The following DLG2 variants were observed in gnomAD, a reference collection of about 807,000 sequenced individuals.
The protein encoded by DLG2 is discs large MAGUK scaffold protein 2.
DLG2 carries 45 observed loss-of-function variants against 132.5 expected under a neutral mutation model. The ratio of observed to expected loss-of-function variants is 0.34; its 90% CI spans 0.27 to 0.44. The LOEUF (loss-of-function observed/expected upper bound fraction) is 0.44. Among genes scored for constraint, DLG2 ranks in the 20% least tolerant of loss-of-function variants. DLG2 has a pLI of 1.00. For synonymous variants in DLG2, 424 were observed against 419.6 expected (o/e 1.01, Z -0.13); for missense variants, 1,045 against 1,196.9 (o/e 0.87, Z 1.87).
intron 3 of DLG2, among the ~76,000 whole-genome samples, chr11:85,513,450 A>G (rs184057): frequency 0.88 from 133,022 of 152,010 alleles, 58,466 homozygotes; most frequent in Non-Finnish European, 0.91. Flanking sequence ...AGACAAATTG[A>G]GATGTCAATA....
chr11:85,247,855 T>A (rs927754461), intron 4 of DLG2, among the ~76,000 whole-genome samples: 4 of 152,102 alleles, frequency 2.6e-5, no homozygotes, highest in African/African-American at 9.7e-5. Flanking sequence ...TGTTGATCCT[T>A]CTATTTCAAT....
chr11:84,241,598 G>C (rs1401116096), intron 8 of DLG2, among the ~76,000 whole-genome samples: 5 of 150,324 alleles, frequency 3.3e-5, no homozygotes, highest in African/African-American at 9.8e-5. Flanking sequence ...GATTCAAAAA[G>C]AAGAAAAAAA....
chr11:84,790,446 TA>T (rs1213913335), intron 6 of DLG2, among the ~76,000 whole-genome samples: 1 of 152,232 alleles, frequency 6.6e-6, no homozygotes, highest in East Asian at 1.9e-4. Context: ...GAATGTTTTC[TA>T]TAGAGTTGTT....
At chr11:84,577,748 A>T (rs1481680239) in intron 6 of DLG2, among the ~76,000 whole-genome samples, 1 of 152,190 alleles carries the variant, frequency 6.6e-6, no homozygotes, top group African/African-American at 2.4e-5. Context: ...TTGAGGAAAA[A>T]TTCAAGCTGG....
chr11:84,172,062 T>C (rs993903253), intron 8 of DLG2, among the ~76,000 whole-genome samples: 1 of 152,332 alleles, frequency 6.6e-6, no homozygotes, highest in East Asian at 1.9e-4. Flanking sequence ...TTACAAGCTG[T>C]TAGAATTCAT....
At chr11:83,715,468 A>T (rs1181172638) in intron 18 of DLG2, among the ~76,000 whole-genome samples, 3 of 152,170 alleles carry the variant, frequency 2.0e-5, no homozygotes, top group African/African-American at 4.8e-5. Context: ...CACACTAAAG[A>T]GGCAAGAGAG....
At chr11:84,823,359 G>T (rs1474606009) in intron 6 of DLG2, among the ~76,000 whole-genome samples, 1 of 151,634 alleles carries the variant, frequency 6.6e-6, no homozygotes, top group East Asian at 1.9e-4. Flanking sequence ...CTCTTACTGT[G>T]TTCATACTTA....
intron 3 of DLG2, chr11:85,453,710 T>C (rs2092327759): frequency 6.6e-6 from 1 of 152,286 alleles, no homozygotes; most frequent in African/African-American, 2.4e-5. Flanking sequence ...TTGGATTGCC[T>C]TGGCCAGAAA....
chr11:84,520,050 T>G (rs902929409), intron 7 of DLG2, among the ~76,000 whole-genome samples: 7 of 152,310 alleles, frequency 4.6e-5, no homozygotes, highest in African/African-American at 1.4e-4. Context: ...CTCTACAATA[T>G]CTCATTGAAG....
chr11:84,059,271 ATGG>A, intron 11 of DLG2, 41 bp downstream of exon 11: 2 of 1,590,654 alleles, frequency 1.3e-6, no homozygotes, highest in Non-Finnish European at 1.7e-6. Context: ...CTTCAGTCAG[ATGG>A]TTTGTCACTA....
intron 4 of DLG2, among the ~76,000 whole-genome samples, chr11:85,215,149 T>C (rs752817803): frequency 1.3e-5 from 2 of 152,198 alleles, no homozygotes; most frequent in Admixed American, 6.5e-5. Flanking sequence ...CAAACACAAG[T>C]TCATAATTTA....
intron 10 of DLG2, among the ~76,000 whole-genome samples, chr11:84,060,254 G>C (rs1435686004): frequency 1.3e-5 from 2 of 152,166 alleles, no homozygotes; most frequent in Non-Finnish European, 2.9e-5. Context: ...GGAGGTTGCA[G>C]TGAGCCGAGA....
intron 4 of DLG2, among the ~76,000 whole-genome samples, chr11:85,277,202 G>A (rs1393990921): frequency 6.6e-6 from 1 of 152,120 alleles, no homozygotes; most frequent in East Asian, 1.9e-4. Context: ...AAAACTGTTA[G>A]CCTAGGGAGG....
chr11:83,610,258 C>A (rs1459510157), intron 19 of DLG2, among the ~76,000 whole-genome samples: 2 of 152,028 alleles, frequency 1.3e-5, no homozygotes, highest in Non-Finnish European at 2.9e-5. Flanking sequence ...ATGTGGTTTA[C>A]GTGAAAAACA....
At chr11:85,378,951 T>A (rs2085650514) in intron 3 of DLG2, among the ~76,000 whole-genome samples, 1 of 152,178 alleles carries the variant, frequency 6.6e-6, no homozygotes, top group Admixed American at 6.5e-5. Flanking sequence ...GCTCTAATTT[T>A]GCATCCCCTT....
chr11:83,667,744 C>A (rs2075896629), intron 18 of DLG2, among the ~76,000 whole-genome samples: 1 of 151,922 alleles, frequency 6.6e-6, no homozygotes, highest in Non-Finnish European at 1.5e-5. Flanking sequence ...CTTTGGGAGG[C>A]CGAGGCGGGC....
chr11:83,982,465 A>G (rs1279741817), intron 11 of DLG2, among the ~76,000 whole-genome samples: 2 of 150,498 alleles, frequency 1.3e-5, no homozygotes, highest in African/African-American at 4.9e-5. Flanking sequence ...CATTTTTAAC[A>G]AAAAGTTTAA....
Position 83,507,018 on chromosome 11 carries a change from A to G in DLG2, c.2194-22790T>C, listed in dbSNP as rs192575269. Among the ~76,000 whole-genome samples, 26 of 152,288 alleles carry G rather than the reference A, an allele frequency of 1.7e-4. No individual in the cohort carries two copies. In the East Asian group the frequency reaches 4.8e-3, roughly 28 times the overall value. On this transcript the variant is annotated intron_variant, in intron 21 of 27. Transcript: ENST00000376104. ...GCTGGGAGTTAGAATCCCTGGGTTC[A>G]TCCTTTTCTTTCATCACTTTGTCTA...
At chr11:84,952,982 A>G (rs925682204) in intron 6 of DLG2, among the ~76,000 whole-genome samples, 4 of 152,086 alleles carry the variant, frequency 2.6e-5, no homozygotes, top group Non-Finnish European at 5.9e-5. Context: ...TGTTCATTCC[A>G]CTTTGTAAAT....
Sources: allele counts gnomAD v4.1 joint callset (sites outside exome capture counted in the v4.1 genomes callset), GRCh38; gene constraint gnomAD v4.1.1; transcripts MANE v1.5; gene names NCBI Gene and HGNC (gene_info 2026-07-23, HGNC 2026-07-21).